The following UNC79 variants were observed in gnomAD, a reference collection of about 807,000 sequenced individuals.
The protein encoded by UNC79 is unc-79 subunit of NALCN channel complex, also known as protein unc-79 homolog.
A neutral mutation model predicts 283.1 loss-of-function variants in UNC79; 37 were observed. That is an observed-to-expected ratio of 0.13 (90% CI 0.10 to 0.17). The LOEUF (loss-of-function observed/expected upper bound fraction) is 0.17. Ranked by LOEUF, UNC79 falls within the 10% of genes least tolerant of loss-of-function variation. The pLI is 1.00. For missense variants in UNC79, 2,272 were observed against 3,211.1 expected (o/e 0.71, Z 7.07); for synonymous variants, 1,107 against 1,200.2 (o/e 0.92, Z 1.61).
intron 27 of UNC79, among the ~76,000 whole-genome samples, chr14:93,615,738 A>AAAAAAAAG (rs2066665016): frequency 6.8e-6 from 1 of 146,486 alleles, no homozygotes; most frequent in African/African-American, 2.6e-5. Flanking sequence ...AAAAAAAAAA[A>AAAAAAAAG]AAAAAAAGAA....
intron 13 of UNC79, 86 bp from the exon 14 acceptor site, chr14:93,542,380 T>G (rs2061420379): frequency 4.5e-6 from 6 of 1,328,294 alleles, no homozygotes; most frequent in Non-Finnish European, 5.2e-6. Flanking sequence ...ATCTTTTTAT[T>G]TTTATTTTTT....
At chr14:93,669,051 C>T (rs2072547825) in intron 40 of UNC79, among the ~76,000 whole-genome samples, 1 of 147,594 alleles carries the variant, frequency 6.8e-6, no homozygotes, top group South Asian at 2.1e-4. Flanking sequence ...TACTGGAGAG[C>T]ATTACACAAT....
intron 7 of UNC79, among the ~76,000 whole-genome samples, chr14:93,506,064 G>T (rs1008733471): frequency 6.6e-6 from 1 of 151,456 alleles, no homozygotes; most frequent in Non-Finnish European, 1.5e-5. Flanking sequence ...TCCCCTTTTT[G>T]TATCTCTAAG....
chr14:93,339,534 C>T (rs11621101), intron 1 of UNC79, among the ~76,000 whole-genome samples: 23,891 of 152,170 alleles, frequency 0.16, 2,092 homozygotes, highest in East Asian at 0.31. Context: ...CTCCTCACCT[C>T]GTGATCGACC....
chr14:93,439,017 GA>G, intron 1 of UNC79, among the ~76,000 whole-genome samples: 1 of 151,702 alleles, frequency 6.6e-6, no homozygotes, highest in East Asian at 1.9e-4. Context: ...TTAAAATTTT[GA>G]ATACATGAAG....
chr14:93,530,888 A>G lies in UNC79; in HGVS notation c.1093+1562A>G, dbSNP rs111376545. 9.7e-3 allele frequency among the ~76,000 whole-genome samples: 1,473 copies of G among 152,314 alleles called. 19 individuals are homozygous for G. The highest frequency in any genetic ancestry group is 0.033 in the African/African-American group (1,390 of 41,572). ...CGCCCCACTGCACTCCAGCCTGGGCAACAGAGCGAGACTCCGTCTCAGAAA... is the reference window on the plus strand; with the variant it reads ...CGCCCCACTGCACTCCAGCCTGGGCGACAGAGCGAGACTCCGTCTCAGAAA... On this transcript the variant is annotated intron_variant, in intron 10 of 48. Coordinates refer to ENST00000555664, the Ensembl canonical transcript of UNC79.
chr14:93,371,852 C>CA (rs931573363), intron 1 of UNC79, among the ~76,000 whole-genome samples: 17 of 150,894 alleles, frequency 1.1e-4, no homozygotes, highest in East Asian at 9.7e-4. Context: ...AAAAAAAAAC[C>CA]AAAAAAAACA....
intron 1 of UNC79, among the ~76,000 whole-genome samples, chr14:93,359,770 G>A (rs971935815): frequency 3.9e-5 from 6 of 152,140 alleles, no homozygotes; most frequent in Non-Finnish European, 7.3e-5. Context: ...ATTTCCAGAC[G>A]AGCCACTTTA....
At chr14:93,641,012 A>C (rs545767528) in intron 32 of UNC79, 133 bp from the exon 36 acceptor site, 1 of 610,260 alleles carries the variant, frequency 1.6e-6, no homozygotes, top group African/African-American at 1.8e-5. Context: ...GGCTTTCTGC[A>C]GTACAGTTGG....
intron 7 of UNC79, 60 bp from the exon 8 acceptor site, chr14:93,523,918 T>C: frequency 1.3e-6 from 2 of 1,564,762 alleles, no homozygotes; most frequent in Non-Finnish European, 8.8e-7. Flanking sequence ...AATATCTGTT[T>C]TTACTAGGGC....
intron 16 of UNC79, among the ~76,000 whole-genome samples, chr14:93,574,769 T>C (rs2063381535): frequency 6.6e-6 from 1 of 151,300 alleles, no homozygotes; most frequent in African/African-American, 2.4e-5. Flanking sequence ...TCTAAGGCAC[T>C]AGTGGTGGGT....
chr14:93,700,682 C>A (rs1348577332), intron 47 of UNC79, among the ~76,000 whole-genome samples: 1 of 152,114 alleles, frequency 6.6e-6, no homozygotes, highest in Non-Finnish European at 1.5e-5. Flanking sequence ...ATATCTTTAT[C>A]CTTCTGAGGC....
chr14:93,369,621 G>T (rs1566896729), intron 1 of UNC79, among the ~76,000 whole-genome samples: 2 of 152,156 alleles, frequency 1.3e-5, no homozygotes, highest in Admixed American at 6.5e-5. Context: ...GAGTCTGAGG[G>T]TTAAATATTC....
intron 14 of UNC79, among the ~76,000 whole-genome samples, chr14:93,557,293 G>A (rs185974477): frequency 6.6e-6 from 1 of 152,318 alleles, no homozygotes; most frequent in Admixed American, 6.5e-5. Context: ...ACTTTCTGCT[G>A]TTGTGGGAGT....
At chr14:93,672,106 A>T (rs879375679) in intron 40 of UNC79, among the ~76,000 whole-genome samples, 2 of 152,186 alleles carry the variant, frequency 1.3e-5, no homozygotes, top group Non-Finnish European at 2.9e-5. Flanking sequence ...TTATGAAGCC[A>T]CTATAGGAAA....
intron 35 of UNC79, 58 bp downstream of exon 38, chr14:93,646,704 C>A: frequency 6.3e-7 from 1 of 1,590,400 alleles, no homozygotes; most frequent in Non-Finnish European, 8.6e-7. Flanking sequence ...GCATGTTCAT[C>A]CTGTTTCTAA....
chr14:93,698,476 G>GTTTTTTTTTT lies in UNC79; in HGVS notation c.7548+4082_7548+4091dup, dbSNP rs71129655. Among the ~76,000 whole-genome samples, 26 of 79,110 alleles carry GTTTTTTTTTT rather than the reference G, an allele frequency of 3.3e-4. 2 individuals carry two copies. Among genetic ancestry groups the GTTTTTTTTTT allele is most frequent in the Non-Finnish European group, 4.9e-4 (19 of 39,090 alleles). 51.9% of individuals were successfully genotyped at this position (79,110 alleles called of 152,430 possible). Reference sequence around the variant, plus strand: ...TGGTAATATTTTTAGTTTAGTTTAGGTTTTTTTTTTTTTTTTTTTTTTTTT... The same window carrying GTTTTTTTTTT: ...TGGTAATATTTTTAGTTTAGTTTAGGTTTTTTTTTTTTTTTTTTTTTTTTTTTTTTTTTTT... On this transcript the variant is annotated intron_variant, in intron 47 of 48. Coordinates refer to ENST00000555664, the Ensembl canonical transcript of UNC79.
At chr14:93,336,433 C>T (rs764663375) in intron 1 of UNC79, among the ~76,000 whole-genome samples, 7 of 152,130 alleles carry the variant, frequency 4.6e-5, no homozygotes, top group Non-Finnish European at 8.8e-5. Context: ...CCTCCGCCTC[C>T]TGGGTTCAAG....
chr14:93,549,962 T>C lies in UNC79; in HGVS notation c.1755+7266T>C, dbSNP rs950003473. Among the ~76,000 whole-genome samples the C allele has an allele frequency of 2.6e-5, 4 of 152,342 alleles. No individual in the cohort carries two copies. In the South Asian group the frequency reaches 8.3e-4, roughly 32 times the overall value. ...CATGTAAGTGTATATGTTTTGCAAC[T>C]GTCAATCTGAATTAATCAAAAGGAT... On this transcript the variant is annotated intron_variant, in intron 14 of 48. Coordinates refer to ENST00000555664, the Ensembl canonical transcript of UNC79.
Sources: gnomAD v4.1 joint callset for allele counts (sites outside exome capture counted in the v4.1 genomes callset) on GRCh38, gnomAD v4.1.1 for gene constraint, MANE v1.5 for transcripts, NCBI Gene and HGNC (gene_info 2026-07-23, HGNC 2026-07-21) for gene names.